ENOX1: variants seen among roughly 807,000 people sequenced by gnomAD.
The protein encoded by ENOX1 is ecto-NOX disulfide-thiol exchanger 1, also known as candidate growth-related and time keeping constitutive hydroquinone (NADH) oxidase.
Under a neutral mutation model 82.5 loss-of-function variants are expected in ENOX1, and 42 were observed. The ratio of observed to expected loss-of-function variants is 0.51; its 90% CI spans 0.40 to 0.66. The LOEUF (loss-of-function observed/expected upper bound fraction) is 0.66. Among genes scored for constraint, ENOX1 ranks in the 30% least tolerant of loss-of-function variants. The probability of loss-of-function intolerance (pLI) is 0.00; values close to 1 mark genes in which losing one functional copy is unlikely to be tolerated. For missense variants in ENOX1, 608 were observed against 811.6 expected (o/e 0.75, Z 3.05); for synonymous variants, 271 against 282.2 (o/e 0.96, Z 0.40).
chr13:43,282,056 T>C (rs2153491701), intron 12 of ENOX1, among the ~76,000 whole-genome samples: 1 of 152,292 alleles, frequency 6.6e-6, no homozygotes, highest in East Asian at 1.9e-4. Context: ...AAAGTTCCTT[T>C]CTATTCCAAG....
chr13:43,628,451 G>T lies in ENOX1; in HGVS notation c.-219+39028C>A, dbSNP rs184762891. Among the ~76,000 whole-genome samples, 60 of 152,174 alleles carry T rather than the reference G, an allele frequency of 3.9e-4. 1 individual carries two copies. The highest frequency in any genetic ancestry group is 1.4e-3 in the African/African-American group (58 of 41,536). ...TTCTCAGTTGTAAAATGTTCATTTA[G>T]TTCCTCTTCATATTTCCTTGGTGAG... On this transcript the variant is annotated intron_variant, in intron 2 of 16. Coordinates refer to ENST00000690772, the MANE Select transcript of ENOX1 (RefSeq NM_001347969.2).
intron 9 of ENOX1, among the ~76,000 whole-genome samples, chr13:43,334,264 C>T (rs554140968): frequency 7.9e-5 from 12 of 152,258 alleles, no homozygotes; most frequent in South Asian, 6.2e-4. Flanking sequence ...TTCACTGAGA[C>T]GAATATTTAC....
intron 8 of ENOX1, among the ~76,000 whole-genome samples, chr13:43,349,453 G>A (rs563058443): frequency 6.6e-5 from 10 of 152,266 alleles, no homozygotes; most frequent in South Asian, 2.1e-4. Flanking sequence ...TGGAATCCAC[G>A]CCCATCTCAT....
At chr13:43,595,939 C>T (rs937387812) in intron 2 of ENOX1, among the ~76,000 whole-genome samples, 1 of 128,966 alleles carries the variant, frequency 7.8e-6, no homozygotes, top group Non-Finnish European at 1.5e-5. Flanking sequence ...ACCATATATG[C>T]TCTTATTAAT....
chr13:43,396,860 G>A (rs1398179120), intron 5 of ENOX1, among the ~76,000 whole-genome samples: 2 of 152,170 alleles, frequency 1.3e-5, no homozygotes, highest in African/African-American at 4.8e-5. Flanking sequence ...GAGCTTTAAG[G>A]GAGCCTGAAT....
intron 5 of ENOX1, among the ~76,000 whole-genome samples, chr13:43,374,511 T>C (rs2051482375): frequency 6.6e-6 from 1 of 152,132 alleles, no homozygotes; most frequent in Non-Finnish European, 1.5e-5. Flanking sequence ...CTCCCAAATG[T>C]TGGGATTACA....
intron 2 of ENOX1, among the ~76,000 whole-genome samples, chr13:43,639,030 G>A (rs1168532474): frequency 4.6e-5 from 7 of 152,150 alleles, no homozygotes; most frequent in African/African-American, 1.2e-4. Flanking sequence ...CAGGCCGGGC[G>A]TGGTGGCTCA....
At chr13:43,635,459 A>G (rs1032330592) in intron 2 of ENOX1, among the ~76,000 whole-genome samples, 1 of 152,190 alleles carries the variant, frequency 6.6e-6, no homozygotes, top group Non-Finnish European at 1.5e-5. Context: ...CTATGAAGAA[A>G]CTAAGGAAAA....
chr13:43,653,100 A>G (rs2084270641), intron 2 of ENOX1, among the ~76,000 whole-genome samples: 1 of 152,194 alleles, frequency 6.6e-6, no homozygotes, highest in Non-Finnish European at 1.5e-5. Context: ...TGCGCAGCAC[A>G]GGCAGGTCTT....
chr13:43,621,844 T>C (rs2082744936), intron 2 of ENOX1, among the ~76,000 whole-genome samples: 1 of 152,176 alleles, frequency 6.6e-6, no homozygotes, highest in African/African-American at 2.4e-5. Context: ...CCCCCGAATA[T>C]GTTTTCCAAG....
At chr13:43,742,821 A>G (rs1949814160) in intron 1 of ENOX1, among the ~76,000 whole-genome samples, 1 of 152,094 alleles carries the variant, frequency 6.6e-6, no homozygotes, top group South Asian at 2.1e-4. Context: ...TAAAGAAAGG[A>G]CTCAGTTGAC....
At chr13:43,682,975 T>C (rs2085870525) in intron 1 of ENOX1, among the ~76,000 whole-genome samples, 1 of 152,174 alleles carries the variant, frequency 6.6e-6, no homozygotes, top group African/African-American at 2.4e-5. Context: ...AACTTTGGGT[T>C]TTTAATATAA....
At chr13:43,616,645 G>T (rs12864459) in intron 2 of ENOX1, among the ~76,000 whole-genome samples, 3 of 152,068 alleles carry the variant, frequency 2.0e-5, no homozygotes, top group Non-Finnish European at 4.4e-5. Flanking sequence ...AAAACTGTTT[G>T]TAATGATATG....
At chr13:43,416,325 C>T (rs2054545900) in intron 3 of ENOX1, among the ~76,000 whole-genome samples, 1 of 148,450 alleles carries the variant, frequency 6.7e-6, no homozygotes, top group Non-Finnish European at 1.5e-5. Flanking sequence ...GGCGGCCGGG[C>T]AGAGGCGCTC....
intron 8 of ENOX1, among the ~76,000 whole-genome samples, chr13:43,353,207 G>T (rs1415243422): frequency 6.6e-6 from 1 of 152,192 alleles, no homozygotes; most frequent in Non-Finnish European, 1.5e-5. Context: ...CAGAAGAAGA[G>T]AGAAAATAAT....
At position 43,732,168 on chromosome 13, in the gene ENOX1, T is replaced by C. The variant is rs771893678; in HGVS notation, c.-285+54484A>G. ...GGCTATCACCTAAACAGCATATTTA[T>C]GGGGTTGATTCTTGTGCAGCTTCAC... On this transcript the variant is annotated intron_variant, in intron 1 of 16. Coordinates refer to ENST00000690772, the MANE Select transcript of ENOX1 (RefSeq NM_001347969.2). Among the ~76,000 whole-genome samples, 8 of 152,218 alleles carry C rather than the reference T, an allele frequency of 5.3e-5. No homozygotes were observed. The South Asian group carries it at 8.3e-4, about 16-fold the overall frequency.
At chr13:43,521,110 T>G (rs2077750279) in intron 2 of ENOX1, among the ~76,000 whole-genome samples, 1 of 152,194 alleles carries the variant, frequency 6.6e-6, no homozygotes, top group South Asian at 2.1e-4. Context: ...ACTCTCTTAT[T>G]TGGAGCTGTG....
chr13:43,580,275 T>A (rs1486344152), intron 2 of ENOX1, among the ~76,000 whole-genome samples: 1 of 152,246 alleles, frequency 6.6e-6, no homozygotes, highest in African/African-American at 2.4e-5. Context: ...TGTCTAAAAA[T>A]TAGCAATTTA....
chr13:43,351,078 C>G (rs776794660), intron 8 of ENOX1, among the ~76,000 whole-genome samples: 2 of 152,214 alleles, frequency 1.3e-5, no homozygotes, highest in Non-Finnish European at 2.9e-5. Flanking sequence ...AAATTGCTCA[C>G]AGTGTACAGT....
Sources: allele counts gnomAD v4.1 joint callset (sites outside exome capture counted in the v4.1 genomes callset), GRCh38; gene constraint gnomAD v4.1.1; transcripts MANE v1.5; gene names NCBI Gene and HGNC (gene_info 2026-07-23, HGNC 2026-07-21).